Variants in CYP19A1 observed in about 807,000 individuals in gnomAD.
The protein encoded by CYP19A1 is cytochrome P450 family 19 subfamily A member 1, also known as aromatase.
In CYP19A1, 32 loss-of-function variants were observed where a neutral mutation model predicts 44.4. That is an observed-to-expected ratio of 0.72 (90% CI 0.54 to 0.97). The LOEUF is 0.97. CYP19A1 is among the 50% of genes least tolerant of loss of function. The pLI, the probability that CYP19A1 is intolerant of heterozygous loss-of-function variation, is 0.00. For synonymous variants in CYP19A1, 212 were observed against 215.6 expected (o/e 0.98, Z 0.14); for missense variants, 598 against 637.8 (o/e 0.94, Z 0.67).
At chr15:51,286,244 C>T (rs930054815) in intron 1 of CYP19A1, among the ~76,000 whole-genome samples, 3 of 152,174 alleles carry the variant, frequency 2.0e-5, no homozygotes, top group Admixed American at 6.5e-5. Flanking sequence ...TGGCTTCCTT[C>T]CTCACCCAAA....
chr15:51,290,981 C>A (rs981997789), intron 1 of CYP19A1, among the ~76,000 whole-genome samples: 3 of 152,164 alleles, frequency 2.0e-5, no homozygotes, highest in African/African-American at 7.2e-5. Context: ...AAAGCATTGC[C>A]CCAACCTCCA....
intron 1 of CYP19A1, among the ~76,000 whole-genome samples, chr15:51,271,329 G>C (rs2035120304): frequency 6.6e-6 from 1 of 152,070 alleles, no homozygotes. Flanking sequence ...TGACTACCCA[G>C]TTAACCCTAA....
intron 2 of CYP19A1, among the ~76,000 whole-genome samples, chr15:51,242,443 A>G (rs2033825778): frequency 6.6e-6 from 1 of 152,100 alleles, no homozygotes; most frequent in Non-Finnish European, 1.5e-5. Flanking sequence ...ATTTTTTAAA[A>G]GTTAACCAGA....
intron 1 of CYP19A1, chr15:51,277,954 GTTTTTTTTTTT>G (rs68014518): frequency 9.0e-6 from 1 of 110,578 alleles, no homozygotes; most frequent in East Asian, 2.7e-4. Context: ...AGTTGCATGA[GTTTTTTTTTTT>G]TTTTTTTTTT....
At chr15:51,256,847 G>A (rs4545755) in intron 1 of CYP19A1, among the ~76,000 whole-genome samples, 50,847 of 152,040 alleles carry the variant, frequency 0.33, 10,060 homozygotes, top group Non-Finnish European at 0.44. Flanking sequence ...AAAACAAAGC[G>A]ATCAGGAAGA....
intron 1 of CYP19A1, among the ~76,000 whole-genome samples, chr15:51,262,066 T>C (rs2034744551): frequency 6.6e-6 from 1 of 152,186 alleles, no homozygotes; most frequent in African/African-American, 2.4e-5. Context: ...CTGAAGGTTG[T>C]GGGTTTACTG....
chr15:51,237,079 C>A (rs778031058), intron 2 of CYP19A1, 70 bp from the exon 3 acceptor site: 94 of 1,554,564 alleles, frequency 6.0e-5, no homozygotes, highest in Non-Finnish European at 8.1e-5. Flanking sequence ...TGTGTTACTC[C>A]TGTTTTTGTT....
chr15:51,279,506 GA>G (rs570126205), intron 1 of CYP19A1, among the ~76,000 whole-genome samples: 4 of 152,160 alleles, frequency 2.6e-5, no homozygotes, highest in Non-Finnish European at 5.9e-5. Context: ...AAAAAGAAAA[GA>G]ATGAAGACCT....
At chr15:51,252,752 A>C (rs898314745) in intron 1 of CYP19A1, among the ~76,000 whole-genome samples, 1 of 151,200 alleles carries the variant, frequency 6.6e-6, no homozygotes, top group Admixed American at 6.5e-5. Flanking sequence ...CACCTCCAAC[A>C]CTGAGTAAAT....
intron 8 of CYP19A1, 137 bp from the exon 9 acceptor site, chr15:51,212,698 A>T (rs1327300412): frequency 1.5e-6 from 1 of 668,464 alleles, no homozygotes; most frequent in African/African-American, 1.8e-5. Context: ...AATGCACACC[A>T]GCAACCAGGG....
Position 51,227,773 on chromosome 15 carries a change from G to A in CYP19A1, c.451+6C>T, listed in dbSNP as rs1434886053. The A allele has an allele frequency of 4.3e-6, 6 of 1,390,856 alleles. No individual in the cohort carries two copies. In the South Asian group the frequency reaches 5.8e-5, roughly 13 times the overall value. 86.2% of individuals were successfully genotyped at this position (1,390,856 alleles called of 1,614,324 possible). Reference sequence around the variant, plus strand: ...AAAGATTGTAGCTAACTAAGTACCTGCTTACCTTTCATAAAGAAGGGTCGA... The same window carrying A: ...AAAGATTGTAGCTAACTAAGTACCTACTTACCTTTCATAAAGAAGGGTCGA... On this transcript the variant is annotated splice_donor_region_variant and intron_variant, in intron 4 of 9. Coordinates refer to ENST00000396402, the MANE Select transcript of CYP19A1 (RefSeq NM_000103.4).
Position 51,215,110 on chromosome 15 carries a change from A to G in CYP19A1, c.981T>C (p.Asn327=), listed in dbSNP as rs1566870471. The G allele has an allele frequency of 6.2e-7, 1 of 1,614,066 alleles. No homozygotes were observed. Among genetic ancestry groups the G allele is most frequent in the Admixed American group, 1.7e-5 (1 of 60,010 alleles). Residue 327 remains asparagine (N), a synonymous_variant, in exon 8 of 10, where the codon AAT becomes AAC. Coordinates refer to ENST00000396402, the MANE Select transcript of CYP19A1 (RefSeq NM_000103.4). ...TTTCCTTTATTATTGCCTCTTCAAC[A>G]TTAGGGTGCTTTGCAATGAGAAATA... is the stretch of plus-strand genomic sequence containing the variant. ...FMLFLIAKHP[N]VEEAIIKEIQ...
At position 51,308,025 on chromosome 15, in the gene CYP19A1, T is replaced by C. The variant is rs568886012; in HGVS notation, c.-39+30470A>G. On this transcript the variant is annotated intron_variant, in intron 1 of 9. Coordinates refer to ENST00000396402, the MANE Select transcript of CYP19A1 (RefSeq NM_000103.4). ...CAAGTTTCATTTCCTTTCTCCCTGC[T>C]ATTAAATGAGAAAGAGGGCATGAGG... Among the ~76,000 whole-genome samples the C allele has an allele frequency of 2.1e-3, 325 of 152,336 alleles. 2 individuals carry two copies. Among genetic ancestry groups the C allele is most frequent in the Middle Eastern group, 0.014 (4 of 294 alleles).
intron 1 of CYP19A1, among the ~76,000 whole-genome samples, chr15:51,332,112 A>T (rs781306581): frequency 7.9e-5 from 12 of 151,946 alleles, no homozygotes; most frequent in Non-Finnish European, 1.5e-4. Flanking sequence ...AGCCCCCTTG[A>T]TGTTCTTTAT....
chr15:51,239,778 G>A (rs566476198), intron 2 of CYP19A1, among the ~76,000 whole-genome samples: 5 of 152,166 alleles, frequency 3.3e-5, no homozygotes, highest in Admixed American at 6.5e-5. Context: ...CATTGTGATG[G>A]CAAATTTGTC....
chr15:51,326,411 C>T (rs956344039), intron 1 of CYP19A1, among the ~76,000 whole-genome samples: 1 of 152,194 alleles, frequency 6.6e-6, no homozygotes, highest in Non-Finnish European at 1.5e-5. Context: ...CTCACAGTAA[C>T]CCAACACAGA....
At chr15:51,310,945 A>G (rs576562668) in intron 1 of CYP19A1, among the ~76,000 whole-genome samples, 2 of 152,348 alleles carry the variant, frequency 1.3e-5, no homozygotes, top group African/African-American at 2.4e-5. Flanking sequence ...CGTTGAGACC[A>G]CTGCCTACAC....
chr15:51,289,725 C>A (rs529948207), intron 1 of CYP19A1, among the ~76,000 whole-genome samples: 3 of 152,264 alleles, frequency 2.0e-5, no homozygotes, highest in East Asian at 3.9e-4. Flanking sequence ...GCGTTTGAAG[C>A]CTGTTTGGAG....
intron 1 of CYP19A1, among the ~76,000 whole-genome samples, chr15:51,331,312 G>C (rs1415927201): frequency 1.3e-5 from 2 of 152,252 alleles, no homozygotes; most frequent in South Asian, 2.1e-4. Context: ...GGAGCCACGT[G>C]AGAGTAGACT....
Sources: gnomAD v4.1 joint callset for allele counts (sites outside exome capture counted in the v4.1 genomes callset) on GRCh38, gnomAD v4.1.1 for gene constraint, MANE v1.5 for transcripts, NCBI Gene and HGNC (gene_info 2026-07-23, HGNC 2026-07-21) for gene names.